The following SPICE1 variants were observed in gnomAD, a reference collection of about 807,000 sequenced individuals.
The protein encoded by SPICE1 is spindle and centriole-associated protein 1.
A neutral mutation model predicts 102.7 loss-of-function variants in SPICE1; 75 were observed. The observed-to-expected ratio is 0.73, with a 90% CI of 0.61 to 0.88. SPICE1 has a LOEUF of 0.88. Among genes scored for constraint, SPICE1 ranks in the 40% least tolerant of loss-of-function variants. The pLI, the probability that SPICE1 is intolerant of heterozygous loss-of-function variation, is 0.00. For missense variants in SPICE1, 979 were observed against 1,020.1 expected (o/e 0.96, Z 0.55); for synonymous variants, 308 against 350.3 (o/e 0.88, Z 1.35).
At chr3:113,489,392 C>A (rs1046581294) in intron 6 of SPICE1, among the ~76,000 whole-genome samples, 14 of 152,142 alleles carry the variant, frequency 9.2e-5, no homozygotes, top group Admixed American at 8.5e-4. Flanking sequence ...GTTCCACCCT[C>A]CTCACTCACC....
chr3:113,447,144 G>C (rs548245181), intron 16 of SPICE1, among the ~76,000 whole-genome samples: 7 of 152,120 alleles, frequency 4.6e-5, no homozygotes, highest in Non-Finnish European at 7.4e-5. Context: ...ATGTGAAACT[G>C]TAAGTCCAAT....
At chr3:113,465,944 A>G (rs955499109) in intron 10 of SPICE1, among the ~76,000 whole-genome samples, 160 bp from the exon 11 acceptor site, 2 of 152,242 alleles carry the variant, frequency 1.3e-5, no homozygotes, top group African/African-American at 4.8e-5. Context: ...ATTTAATTAA[A>G]GAAAATGTGC....
chr3:113,513,344 G>C (rs1937256193), intron 1 of SPICE1, among the ~76,000 whole-genome samples: 1 of 152,154 alleles, frequency 6.6e-6, no homozygotes, highest in South Asian at 2.1e-4. Flanking sequence ...CCAGGAATTG[G>C]AGGCTGCAGT....
rs774913137 is a variant in SPICE1 at position 113,468,762 on chromosome 3, C to A, written c.889G>T (p.Val297Leu). 1 of 1,611,546 alleles carries A rather than the reference C, an allele frequency of 6.2e-7. No individual in the cohort carries two copies. The highest frequency in any genetic ancestry group is 1.7e-5 in the Admixed American group (1 of 59,322). Residue 297 changes from valine (V) to leucine (L), a missense_variant and splice_region_variant, in exon 9 of 18, where the codon GTG becomes TTG. Transcript: ENST00000295872. Reference protein sequence around the residue: ...SRKQKQLLNKVKRKPNLHALS... With the variant: ...SRKQKQLLNKLKRKPNLHALS... ...ATCTTTGTAAATTAAGGGACTGAAC[C>A]TTTATTTAACAGCTGTTTTTGCTTC...
rs778332844 is a variant in SPICE1, at chr3:113,494,061, G to A, written c.373C>T (p.Arg125Cys). ...TTGAATTGAATACCTGTGCGCCTACGAGGAAACAGCTCTTTTGCTGCAGCT... is the reference window on the plus strand; with the variant it reads ...TTGAATTGAATACCTGTGCGCCTACAAGGAAACAGCTCTTTTGCTGCAGCT... ...LIAAAKELFP[R>C]RRTGFPNVTV... The change falls in exon 5 of 18, where the codon CGT becomes TGT. Residue 125 changes from arginine to cysteine, a missense_variant. By Grantham distance (180) the Arg-to-Cys change is radical (BLOSUM62 -3). Transcript: ENST00000295872. The A allele has an allele frequency of 5.0e-6, 8 of 1,610,300 alleles. No homozygotes were observed. The highest frequency in any genetic ancestry group is 2.2e-5 in the East Asian group (1 of 44,822).
At position 113,465,803 on chromosome 3, in the gene SPICE1, TAAACTTCCACCAATAGCATCACATGTTGA is replaced by T. The variant is rs1936043233; in HGVS notation, c.1156-48_1156-20del. On this transcript the variant is annotated intron_variant, in intron 10 of 17. Transcript: ENST00000295872. ...TCTCACTCTACAAAAAAATATCAAA[TAAACTTCCACCAATAGCATCACATGTTGA>T]AAACTAAAAGTTTGCACTCAAAGCT... 1.9e-6 allele frequency: 3 copies of T among 1,605,788 alleles called. No homozygotes were observed. In the Admixed American group the frequency reaches 5.1e-5, roughly 28 times the overall value.
chr3:113,465,869 T>A (rs1443284633), intron 10 of SPICE1, 85 bp from the exon 11 acceptor site: 5 of 1,355,290 alleles, frequency 3.7e-6, no homozygotes, highest in Non-Finnish European at 5.1e-6. Context: ...GCAAAGAAGA[T>A]ATTTACAAAG....
chr3:113,468,072 A>G, intron 10 of SPICE1, 67 bp downstream of exon 10: 1 of 1,550,346 alleles, frequency 6.5e-7, no homozygotes, highest in Non-Finnish European at 8.7e-7. Flanking sequence ...GTTGCAATAA[A>G]TGGAAAGGAA....
chr3:113,468,695 A>C, intron 9 of SPICE1, 67 bp downstream of exon 9: 1 of 1,507,468 alleles, frequency 6.6e-7, no homozygotes, highest in Non-Finnish European at 9.0e-7. Flanking sequence ...AACATTGACT[A>C]AGAGATTAAG....
intron 4 of SPICE1, 126 bp downstream of exon 4, chr3:113,499,313 T>A: frequency 9.4e-7 from 1 of 1,058,562 alleles, no homozygotes; most frequent in South Asian, 2.1e-5. Context: ...GAAGTCCACA[T>A]GTAGATTATT....
chr3:113,486,796 C>T lies in SPICE1; in HGVS notation c.611+2149G>A, dbSNP rs181729563. Among the ~76,000 whole-genome samples the T allele has an allele frequency of 4.7e-5, 7 of 149,968 alleles. No individual in the cohort carries two copies. In the East Asian group the frequency reaches 5.9e-4, roughly 13 times the overall value. The stretch of plus-strand genomic sequence containing the variant: ...AAGTAAAAGAAAAGCAAATATAGTA[C>T]GTTACCTTTTATATAAGAAGAGAAA... On this transcript the variant is annotated intron_variant, in intron 7 of 17. Transcript: ENST00000295872.
chr3:113,456,401 T>C (rs1214683737), intron 13 of SPICE1, among the ~76,000 whole-genome samples: 1 of 151,912 alleles, frequency 6.6e-6, no homozygotes, highest in African/African-American at 2.4e-5. Flanking sequence ...GAGTTTAAGA[T>C]GGTGGTTCTT....
rs200177650 is a variant in SPICE1, at chr3:113,450,434, C to A, written c.2225G>T (p.Arg742Leu). The change falls in exon 15 of 18, where the codon CGT becomes CTT. Residue 742 changes from arginine (R) to leucine (L), a missense_variant. Arg to Leu is a moderately radical substitution (Grantham distance 102). Coordinates refer to ENST00000295872, the MANE Select transcript of SPICE1 (RefSeq NM_144718.4). ...CTCTATCAACTGCAGTAGTTTTCCACGAGCCTCCATACTTTGTCGATTCAA... is the reference window on the plus strand; with the variant it reads ...CTCTATCAACTGCAGTAGTTTTCCAAGAGCCTCCATACTTTGTCGATTCAA... The part of the protein sequence containing the change: ...AELNRQSMEA[R>L]GKLLQLIEQQ... The A allele has an allele frequency of 6.2e-7, 1 of 1,613,846 alleles. No homozygotes were observed. The highest frequency in any genetic ancestry group is 8.5e-7 in the Non-Finnish European group (1 of 1,180,008).
At chr3:113,471,905 G>C (rs1442550533) in intron 7 of SPICE1, among the ~76,000 whole-genome samples, 2 of 152,226 alleles carry the variant, frequency 1.3e-5, no homozygotes, top group Non-Finnish European at 2.9e-5. Context: ...GAGGTACTGG[G>C]TTCATCTCAC....
rs148354943 is a variant in SPICE1, at chr3:113,457,162, T to C, written c.1631A>G (p.Asn544Ser). The change falls in exon 13 of 18, where the codon AAC (asparagine) becomes AGC (serine). Residue 544 changes from asparagine to serine, a missense_variant. Physicochemically the swap from Asn to Ser is conservative, Grantham distance 46 (BLOSUM62 1). Coordinates refer to ENST00000295872, the MANE Select transcript of SPICE1 (RefSeq NM_144718.4). ...VLLTPPRQKS[N>S]LKFSPLQDVL... ...GTCCTGAAGAGGAGAGAATTTTAAGTTGCTCTTCTGCCTGGGTGGTGTTAA... is the reference window on the plus strand; with the variant it reads ...GTCCTGAAGAGGAGAGAATTTTAAGCTGCTCTTCTGCCTGGGTGGTGTTAA... 2 of 1,614,206 alleles carry C rather than the reference T, an allele frequency of 1.2e-6. No individual in the cohort carries two copies. The highest frequency in any genetic ancestry group is 1.7e-5 in the Admixed American group (1 of 60,024).
intron 7 of SPICE1, among the ~76,000 whole-genome samples, chr3:113,471,488 A>C (rs1436994118): frequency 6.6e-6 from 1 of 152,070 alleles, no homozygotes; most frequent in East Asian, 1.9e-4. Flanking sequence ...CTCTGGAGGG[A>C]GTGTGGCCCT....
intron 7 of SPICE1, among the ~76,000 whole-genome samples, chr3:113,472,092 C>T (rs941648855): frequency 6.6e-6 from 1 of 152,236 alleles, no homozygotes; most frequent in African/African-American, 2.4e-5. Flanking sequence ...CACCCTAATA[C>T]TGCACTTTTC....
At chr3:113,490,616 TG>T (rs1267480542) in intron 6 of SPICE1, among the ~76,000 whole-genome samples, 14 of 151,558 alleles carry the variant, frequency 9.2e-5, no homozygotes, top group Admixed American at 1.3e-4. Context: ...CATTCCAGCC[TG>T]GGTGACACAG....
Position 113,460,300 on chromosome 3 carries a change from TA to T in SPICE1, c.1435+316del. ...GTCCAGTTCTGCTACTTTCTACCTG[TA>T]TGACTTTGCTAAGTTACCAACCCTC... On this transcript the variant is annotated intron_variant, in intron 12 of 17. Coordinates refer to ENST00000295872, the MANE Select transcript of SPICE1 (RefSeq NM_144718.4). 3.2e-6 allele frequency: 3 copies of T among 951,134 alleles called. No individual in the cohort carries two copies. The South Asian group carries it at 1.5e-4, about 46-fold the overall frequency. The allele number at this position is 951,134 out of a possible 1,614,324, so 58.9% of individuals were successfully genotyped here.
Sources: allele counts gnomAD v4.1 joint callset (sites outside exome capture counted in the v4.1 genomes callset), GRCh38; gene constraint gnomAD v4.1.1; transcripts MANE v1.5; gene names NCBI Gene and HGNC (gene_info 2026-07-23, HGNC 2026-07-21).